The following PCDHA1 variants were observed in gnomAD, a reference collection of about 807,000 sequenced individuals.
PCDHA1 encodes the protein protocadherin alpha 1, also known as protocadherin alpha-1.
In PCDHA1, 42 loss-of-function variants were observed where a neutral mutation model predicts 61.3. The observed-to-expected ratio is 0.69, with a 90% CI of 0.54 to 0.89. The LOEUF (loss-of-function observed/expected upper bound fraction) is 0.89. PCDHA1 is among the 40% of genes least tolerant of loss of function. PCDHA1 has a pLI of 0.00. For missense variants in PCDHA1, 1,256 were observed against 1,235.3 expected (o/e 1.02, Z -0.25); for synonymous variants, 610 against 553.8 (o/e 1.10, Z -1.43).
intron 1 of PCDHA1, among the ~76,000 whole-genome samples, chr5:140,952,159 G>T (rs1226707673): frequency 2.0e-5 from 3 of 152,056 alleles, no homozygotes; most frequent in African/African-American, 7.2e-5. Context: ...TGGCTTTGTG[G>T]GGTTCAGTTC....
At chr5:140,835,904 C>G in intron 1 of PCDHA1, 2 of 1,612,180 alleles carry the variant, frequency 1.2e-6, no homozygotes, top group Non-Finnish European at 1.7e-6. Flanking sequence ...TGTCGAGCTA[C>G]GTGTCAGTGC....
chr5:140,877,674 G>C, intron 1 of PCDHA1: 2 of 1,613,630 alleles, frequency 1.2e-6, no homozygotes, highest in East Asian at 4.5e-5. Context: ...GGTGCGCGCC[G>C]GGCAAGCCCA....
At chr5:140,853,848 C>T (rs2042883759) in intron 1 of PCDHA1, 1 of 985,936 alleles carries the variant, frequency 1.0e-6, no homozygotes, top group Non-Finnish European at 1.2e-6. Context: ...AGATCCATAG[C>T]CCTATTTGAT....
intron 1 of PCDHA1, chr5:140,805,198 C>A (rs1160602413): frequency 6.9e-7 from 1 of 1,448,348 alleles, no homozygotes; most frequent in Non-Finnish European, 9.1e-7. Context: ...TATTGAATAG[C>A]TACCAAATAA....
chr5:140,926,891 G>A, intron 1 of PCDHA1: 9 of 1,545,914 alleles, frequency 5.8e-6, no homozygotes, highest in Non-Finnish European at 7.9e-6. Context: ...CCTAGAGGGA[G>A]GATGGTGGGC....
intron 1 of PCDHA1, among the ~76,000 whole-genome samples, chr5:140,896,268 A>T (rs2065469707): frequency 6.6e-6 from 1 of 152,150 alleles, no homozygotes; most frequent in African/African-American, 2.4e-5. Context: ...CAGTTATGGG[A>T]TTTGCTGGCT....
intron 1 of PCDHA1, chr5:140,848,942 C>A (rs1417497577): frequency 6.2e-7 from 1 of 1,607,226 alleles, no homozygotes; most frequent in African/African-American, 1.4e-5. Flanking sequence ...GGCCGCTTGA[C>A]TCTCGGTTTC....
intron 1 of PCDHA1, chr5:140,829,151 T>A (rs2150163115): frequency 6.2e-7 from 1 of 1,613,966 alleles, no homozygotes; most frequent in Admixed American, 1.7e-5. Flanking sequence ...AGCACTGACT[T>A]CCTTATCCTT....
At chr5:140,940,101 G>A (rs754155361) in intron 1 of PCDHA1, among the ~76,000 whole-genome samples, 23 of 152,148 alleles carry the variant, frequency 1.5e-4, no homozygotes, top group Non-Finnish European at 3.2e-4. Flanking sequence ...AACTTTTAGC[G>A]TTATGTATTA....
chr5:140,822,387 A>G, intron 1 of PCDHA1: 2 of 1,614,150 alleles, frequency 1.2e-6, no homozygotes, highest in Non-Finnish European at 1.7e-6. Context: ...GAGAAGAAAC[A>G]CAAGAACACC....
At chr5:140,928,536 GA>G (rs782686789) in intron 1 of PCDHA1, 1 of 1,614,228 alleles carries the variant, frequency 6.2e-7, no homozygotes, top group Non-Finnish European at 8.5e-7. Context: ...TGGTAGATAG[GA>G]ATGACAATTA....
rs10602499 is a variant in PCDHA1 at position 140,992,017 on chromosome 5, C to CTGTGTGTGTG, written c.2542+9482_2542+9491dup. Among the ~76,000 whole-genome samples, 121 of 145,620 alleles carry CTGTGTGTGTG rather than the reference C, an allele frequency of 8.3e-4. 2 individuals are homozygous for CTGTGTGTGTG. The highest frequency in any genetic ancestry group is 3.5e-3 in the Middle Eastern group (1 of 288). ...CTTTCATGTTCAGGCAGAGGTGGCT[C>CTGTGTGTGTG]TGTGTGTGTGTGTGTGTGTGTGTGT... On this transcript the variant is annotated intron_variant, in intron 3 of 3. Transcript: ENST00000504120.
chr5:140,972,316 G>GTT (rs112435719), intron 1 of PCDHA1, among the ~76,000 whole-genome samples: 1 of 139,858 alleles, frequency 7.2e-6, no homozygotes, highest in Non-Finnish European at 1.6e-5. Flanking sequence ...GTTTTTAGGT[G>GTT]TTTTTTTTTT....
rs186566632 is a variant in PCDHA1, at chr5:140,947,652, T to C, written c.2395-31297T>C. 6.7e-3 allele frequency among the ~76,000 whole-genome samples: 1,010 copies of C among 151,752 alleles called. 2 individuals are homozygous for C. Among genetic ancestry groups the C allele is most frequent in the Non-Finnish European group, 0.01 (702 of 67,572 alleles). On this transcript the variant is annotated intron_variant, in intron 1 of 3. Transcript: ENST00000504120. ...ATCAGATCGTATGAACATATATACCTCCATTTACTTGGGTCTTTAAAAAAT... is the reference window on the plus strand; with the variant it reads ...ATCAGATCGTATGAACATATATACCCCCATTTACTTGGGTCTTTAAAAAAT...
rs2150328555 is a variant in PCDHA1 at position 140,842,062 on chromosome 5, C to T, written c.2394+53378C>T. ...CTCCCACTTTCGAACAGTCTGAATA[C>T]GAAGTAAGAATATTCGAAAACGCAG... On this transcript the variant is annotated intron_variant, in intron 1 of 3. Coordinates refer to ENST00000504120, the MANE Select transcript of PCDHA1 (RefSeq NM_018900.4). 5 of 1,613,774 alleles carry T rather than the reference C, an allele frequency of 3.1e-6. No individual in the cohort carries two copies. The African/African-American group carries it at 6.7e-5, about 22-fold the overall frequency.
intron 1 of PCDHA1, among the ~76,000 whole-genome samples, chr5:140,953,627 T>C (rs1298172951): frequency 6.6e-6 from 1 of 152,178 alleles, no homozygotes; most frequent in Non-Finnish European, 1.5e-5. Context: ...ATTTGCTTTA[T>C]GTATTTTGGC....
At chr5:140,970,663 CAAAT>C (rs1216768545) in intron 1 of PCDHA1, among the ~76,000 whole-genome samples, 1 of 152,136 alleles carries the variant, frequency 6.6e-6, no homozygotes, top group Non-Finnish European at 1.5e-5. Flanking sequence ...GTTATCTTTC[CAAAT>C]AACTACTTTG....
intron 1 of PCDHA1, chr5:140,797,259 C>T: frequency 6.2e-7 from 1 of 1,614,202 alleles, no homozygotes; most frequent in Non-Finnish European, 8.5e-7. Context: ...AGGACCCCCC[C>T]AAGACGGACC....
chr5:140,876,120 T>C (rs782687154), intron 1 of PCDHA1: 15 of 1,613,844 alleles, frequency 9.3e-6, no homozygotes, highest in East Asian at 6.7e-5. Context: ...TGGTAATCGA[T>C]GGCGGTAAAC....
Sources: gnomAD v4.1 joint callset for allele counts (sites outside exome capture counted in the v4.1 genomes callset) on GRCh38, gnomAD v4.1.1 for gene constraint, MANE v1.5 for transcripts, NCBI Gene and HGNC (gene_info 2026-07-23, HGNC 2026-07-21) for gene names.